The following CKAP5 variants were observed in gnomAD, a reference collection of about 807,000 sequenced individuals.
CKAP5 encodes cytoskeleton-associated protein 5.
CKAP5 carries 27 observed loss-of-function variants against 232.8 expected under a neutral mutation model. The ratio of observed to expected loss-of-function variants is 0.12; its 90% CI spans 0.09 to 0.16. The LOEUF is 0.16. Ranked by LOEUF, CKAP5 falls within the 10% of genes least tolerant of loss-of-function variation. The probability of loss-of-function intolerance (pLI) is 1.00; values close to 1 mark genes in which losing one functional copy is unlikely to be tolerated. For synonymous variants in CKAP5, 785 were observed against 841.1 expected (o/e 0.93, Z 1.16); for missense variants, 1,838 against 2,424.7 (o/e 0.76, Z 5.08).
At chr11:46,797,412 T>G (rs1014269854) in intron 11 of CKAP5, among the ~76,000 whole-genome samples, 5 of 152,010 alleles carry the variant, frequency 3.3e-5, no homozygotes, top group Admixed American at 3.3e-4. Context: ...AACAAAAATT[T>G]TTCGGGTTAA....
At chr11:46,783,193 A>T in intron 18 of CKAP5, 81 bp downstream of exon 18, 1 of 747,028 alleles carries the variant, frequency 1.3e-6, no homozygotes, top group Non-Finnish European at 2.3e-6. Flanking sequence ...AATAAACAGC[A>T]ATAGCTATTA....
At chr11:46,818,948 G>A (rs768052638) in intron 2 of CKAP5, among the ~76,000 whole-genome samples, 8 of 151,950 alleles carry the variant, frequency 5.3e-5, no homozygotes, top group East Asian at 1.9e-4. Flanking sequence ...AGTAGATTCC[G>A]GACATTTTTA....
chr11:46,758,793 T>G lies in CKAP5; in HGVS notation c.4689+130A>C, dbSNP rs2065131594. The G allele has an allele frequency of 1.1e-5, 11 of 1,021,310 alleles. No individual in the cohort carries two copies. The South Asian group carries it at 1.8e-4, about 17-fold the overall frequency. The allele number at this position is 1,021,310 out of a possible 1,614,324, so 63.3% of individuals were successfully genotyped here. A position where few individuals can be genotyped will look rare whatever the true frequency, so the allele number is the denominator to read the frequency against. On this transcript the variant is annotated intron_variant, in intron 35 of 43. Coordinates refer to ENST00000529230, the MANE Select transcript of CKAP5 (RefSeq NM_001008938.4). ...GATGACTGAGTGGCACCTGTGCATT[T>G]CTTTCCTCGGGAAAGTATGAAACAC...
chr11:46,746,808 C>G (rs1221646104), intron 42 of CKAP5, among the ~76,000 whole-genome samples: 5 of 152,194 alleles, frequency 3.3e-5, no homozygotes, highest in Non-Finnish European at 7.3e-5. Flanking sequence ...ATTATGACAG[C>G]TATGGTATCA....
chr11:46,787,655 T>C (rs1453799624), intron 16 of CKAP5, among the ~76,000 whole-genome samples: 1 of 152,170 alleles, frequency 6.6e-6, no homozygotes, highest in African/African-American at 2.4e-5. Flanking sequence ...CTCCCTTGAA[T>C]ATGTAAAGAT....
At chr11:46,820,525 T>C (rs1337000339) in intron 2 of CKAP5, 2 of 152,180 alleles carry the variant, frequency 1.3e-5, no homozygotes, top group African/African-American at 4.8e-5. Context: ...CATAAAGTGG[T>C]AAACCTGAGG....
chr11:46,786,358 T>G (rs1009417029), intron 16 of CKAP5, among the ~76,000 whole-genome samples: 5 of 152,032 alleles, frequency 3.3e-5, no homozygotes, highest in Non-Finnish European at 5.9e-5. Context: ...CACTGGCAGG[T>G]GGGGGGACAG....
intron 24 of CKAP5, among the ~76,000 whole-genome samples, chr11:46,774,592 T>C (rs2065276501): frequency 6.6e-6 from 1 of 152,148 alleles, no homozygotes; most frequent in Non-Finnish European, 1.5e-5. Context: ...CAAATTATAC[T>C]ACAAGGCTAC....
In CKAP5 at chr11:46,778,584, G is replaced by A. The variant is rs753205465; in HGVS notation, c.2449C>T (p.Pro817Ser). ...AEFEKMQGQS[P>S]PAPTRGISKH... The stretch of plus-strand genomic sequence containing the variant: ...GAAATTCCTCTGGTTGGAGCAGGTG[G>A]ACTTTGTCCCTGCATCTATACACAA... The change falls in exon 21 of 44, where the codon CCA (proline) becomes TCA (serine). Residue 817 changes from proline (P) to serine (S), a missense_variant. Physicochemically the swap from Pro to Ser is moderately conservative, Grantham distance 74. Coordinates refer to ENST00000529230, the MANE Select transcript of CKAP5 (RefSeq NM_001008938.4). The A allele has an allele frequency of 5.6e-6, 9 of 1,613,658 alleles. No homozygotes were observed. Among genetic ancestry groups the A allele is most frequent in the Non-Finnish European group, 7.6e-6 (9 of 1,179,824 alleles).
chr11:46,754,477 T>G (rs912948774), intron 36 of CKAP5, among the ~76,000 whole-genome samples: 1 of 152,228 alleles, frequency 6.6e-6, no homozygotes, highest in African/African-American at 2.4e-5. Flanking sequence ...AACAAATTTT[T>G]TCCCTTTTAT....
At chr11:46,839,617 T>C (rs1565761605) in intron 1 of CKAP5, among the ~76,000 whole-genome samples, 2 of 152,146 alleles carry the variant, frequency 1.3e-5, no homozygotes, top group African/African-American at 4.8e-5. Flanking sequence ...CCGATAGAAG[T>C]ACTTTTTTAA....
chr11:46,801,091 C>G lies in CKAP5; in HGVS notation c.1083+109G>C, dbSNP rs796984463. The G allele has an allele frequency of 3.9e-5, 26 of 663,430 alleles. No homozygotes were observed. The South Asian group carries it at 4.4e-4, about 11-fold the overall frequency. 41.1% of individuals were successfully genotyped at this position (663,430 alleles called of 1,614,324 possible). A position where few individuals can be genotyped will look rare whatever the true frequency, so the allele number is the denominator to read the frequency against. ...AAAACAGAGAGAAATTTACTTTGTACAGTATATACACATCTATGCCAAGGA... is the reference window on the plus strand; with the variant it reads ...AAAACAGAGAGAAATTTACTTTGTAGAGTATATACACATCTATGCCAAGGA... On this transcript the variant is annotated intron_variant, in intron 9 of 43. Coordinates refer to ENST00000529230, the MANE Select transcript of CKAP5 (RefSeq NM_001008938.4).
At chr11:46,841,729 G>T (rs1195121281) in intron 1 of CKAP5, among the ~76,000 whole-genome samples, 1 of 152,068 alleles carries the variant, frequency 6.6e-6, no homozygotes, top group Non-Finnish European at 1.5e-5. Context: ...GGCTCGGCAC[G>T]GTGGCTCACG....
Position 46,744,482 on chromosome 11 carries a change from C to A in CKAP5, c.5800G>T (p.Val1934Phe), listed in dbSNP as rs754544886. Reference protein sequence around the residue: ...NTNGEEVGPSVYLERLKILRQ... With the variant: ...NTNGEEVGPSFYLERLKILRQ... ...AGGATCTTTAGCCTTTCCAAGTAGA[C>A]AGATGGCCCCACTTCTTCCCCATTT... Residue 1934 changes from valine to phenylalanine, a missense_variant, in exon 43 of 44, where the codon GTC becomes TTC. Transcript: ENST00000529230. 1 of 1,614,176 alleles carries A rather than the reference C, an allele frequency of 6.2e-7. No individual in the cohort carries two copies. The highest frequency in any genetic ancestry group is 1.1e-5 in the South Asian group (1 of 91,080).
intron 1 of CKAP5, among the ~76,000 whole-genome samples, chr11:46,837,975 A>T (rs1156705935): frequency 6.6e-6 from 1 of 152,134 alleles, no homozygotes; most frequent in Non-Finnish European, 1.5e-5. Context: ...AAGGAGGGGA[A>T]AAAAAAGTAA....
intron 8 of CKAP5, among the ~76,000 whole-genome samples, chr11:46,806,426 C>CA (rs1450324101): frequency 2.0e-5 from 3 of 152,216 alleles, no homozygotes; most frequent in Admixed American, 2.0e-4. Context: ...GAAGAATTGA[C>CA]AGAGAATCTG....
Position 46,770,781 on chromosome 11 carries a change from G to A in CKAP5, c.3186+7C>T, listed in dbSNP as rs1326119677. On this transcript the variant is annotated splice_region_variant and intron_variant, in intron 25 of 43. Transcript: ENST00000529230. ...TTAACAGCAGTAGCAGCAACAAGAA[G>A]TAGTACCTTTAGTTTCCCAGTAGCC... 4 of 1,611,920 alleles carry A rather than the reference G, an allele frequency of 2.5e-6. No individual in the cohort carries two copies. In the South Asian group the frequency reaches 4.4e-5, roughly 18 times the overall value.
chr11:46,829,834 T>TG (rs1939736160), intron 1 of CKAP5, among the ~76,000 whole-genome samples: 4 of 110,628 alleles, frequency 3.6e-5, no homozygotes, highest in Admixed American at 1.0e-4. Flanking sequence ...AATTCCTTTT[T>TG]TGTATGTGTG....
rs1225734939 is a variant in CKAP5, at chr11:46,798,128, T to C, written c.1128A>G (p.Gln376=). Residue 376 remains glutamine (Q), a synonymous_variant, in exon 10 of 44, where the codon CAA becomes CAG. Coordinates refer to ENST00000529230, the MANE Select transcript of CKAP5 (RefSeq NM_001008938.4). ...TTGCCTCCTGCAGGGCTTGTACCAC[T>C]TGAGGTTTCTTCTCTTTGAATTTCT... ...ILEKFKEKKP[Q]VVQALQEAID... 1.2e-6 allele frequency: 2 copies of C among 1,614,050 alleles called. No individual in the cohort carries two copies. Among genetic ancestry groups the C allele is most frequent in the Non-Finnish European group, 8.5e-7 (1 of 1,180,030 alleles).
Sources: allele counts gnomAD v4.1 joint callset (sites outside exome capture counted in the v4.1 genomes callset), GRCh38; gene constraint gnomAD v4.1.1; transcripts MANE v1.5; gene names NCBI Gene and HGNC (gene_info 2026-07-23, HGNC 2026-07-21).